Variants in TENT5D observed in about 807,000 individuals in gnomAD.
TENT5D encodes the protein cancer/testis antigen 112.
For missense variants in TENT5D, 191 were observed against 287.0 expected (o/e 0.67, Z 2.42); for synonymous variants, 103 against 100.6 (o/e 1.02, Z -0.15).
intron 3 of TENT5D, among the ~76,000 whole-genome samples, chrX:80,408,279 C>CA (rs1305345211): frequency 2.0e-5 from 2 of 100,463 alleles, no homozygotes; most frequent in African/African-American, 3.6e-5. Flanking sequence ...AATAGAGACA[C>CA]AAAAAACCCT....
chrX:80,437,049 A>G (rs1932196862), intron 1 of TENT5D, among the ~76,000 whole-genome samples: 1 of 112,430 alleles, frequency 8.9e-6, no homozygotes, highest in South Asian at 3.6e-4. Flanking sequence ...TGTCAAGATG[A>G]TTTGATTAAA....
intron 3 of TENT5D, among the ~76,000 whole-genome samples, chrX:80,352,827 A>G (rs1427242080): frequency 9.1e-6 from 1 of 109,781 alleles, no homozygotes; most frequent in African/African-American, 3.3e-5. Context: ...GTAGAGGCAC[A>G]CGAAGGAATT....
At chrX:80,380,060 A>G (rs1338682891) in intron 3 of TENT5D, among the ~76,000 whole-genome samples, 8 of 106,945 alleles carry the variant, frequency 7.5e-5, no homozygotes, top group African/African-American at 2.0e-4. Flanking sequence ...TAGGGTGTCA[A>G]TTTTAGATCT....
rs202186124 is a variant in TENT5D, at chrX:80,376,162, T to A, written c.-142+33598T>A. Among the ~76,000 whole-genome samples the A allele has an allele frequency of 3.4e-4, 38 of 111,071 alleles. No homozygotes were observed. The East Asian group carries it at 8.5e-3, about 25-fold the overall frequency. ...TAATTAACGTTTATGGCCCAATTGT[T>A]TATTCCATTTGATTTTAATTTTCCT... is the stretch of plus-strand genomic sequence containing the variant. On this transcript the variant is annotated intron_variant, in intron 3 of 4. Transcript: ENST00000538312.
At chrX:80,420,546 C>G (rs1931863177) in exon 1 of TENT5D, 1 of 111,381 alleles carries the variant, frequency 9.0e-6, no homozygotes, top group African/African-American at 3.3e-5. Flanking sequence ...TCAGCAAAGT[C>G]TACTATCAGA....
chrX:80,349,819 T>C (rs1401146035), intron 3 of TENT5D, among the ~76,000 whole-genome samples: 1 of 111,379 alleles, frequency 9.0e-6, no homozygotes, highest in Non-Finnish European at 1.9e-5. Context: ...AACACTGCTT[T>C]ACCTGTGTCC....
At chrX:80,388,050 G>A (rs1345234217) in intron 3 of TENT5D, among the ~76,000 whole-genome samples, 4 of 110,977 alleles carry the variant, frequency 3.6e-5, no homozygotes, top group Non-Finnish European at 5.7e-5. Flanking sequence ...GGATAACACT[G>A]ATGTTCATTC....
chrX:80,385,808 A>G (rs1010452140), intron 3 of TENT5D, among the ~76,000 whole-genome samples: 1 of 112,641 alleles, frequency 8.9e-6, no homozygotes, highest in Non-Finnish European at 1.9e-5. Flanking sequence ...TGCAAACAAA[A>G]GACACATGAA....
At chrX:80,368,923 T>C (rs1412732847) in intron 3 of TENT5D, among the ~76,000 whole-genome samples, 2 of 111,829 alleles carry the variant, frequency 1.8e-5, no homozygotes, top group Non-Finnish European at 3.8e-5. Context: ...TTTTTTTCTT[T>C]AAAACACCAG....
At chrX:80,433,626 T>A (rs12557673) in intron 1 of TENT5D, among the ~76,000 whole-genome samples, 1 of 110,267 alleles carries the variant, frequency 9.1e-6, no homozygotes, top group Non-Finnish European at 1.9e-5. Context: ...TTTTTGGGAC[T>A]TGTATGCTAT....
At chrX:80,359,984 T>A (rs1930371313) in intron 3 of TENT5D, among the ~76,000 whole-genome samples, 1 of 111,850 alleles carries the variant, frequency 8.9e-6, no homozygotes, top group Non-Finnish European at 1.9e-5. Context: ...ATAATCTTAA[T>A]CAACTTTCCC....
intron 2 of TENT5D, among the ~76,000 whole-genome samples, chrX:80,441,961 C>CT (rs766606995): frequency 9.0e-6 from 1 of 111,058 alleles, no homozygotes; most frequent in African/African-American, 3.2e-5. Flanking sequence ...AGCTCATACT[C>CT]TAACAGAAGA....
intron 1 of TENT5D, among the ~76,000 whole-genome samples, chrX:80,421,261 C>A (rs1931878236): frequency 8.9e-6 from 1 of 111,818 alleles, no homozygotes; most frequent in African/African-American, 3.3e-5. Context: ...TCTCGGCTCA[C>A]TGCAATCTCT....
chrX:80,428,655 A>T (rs1186274709), intron 1 of TENT5D, among the ~76,000 whole-genome samples: 5 of 111,897 alleles, frequency 4.5e-5, no homozygotes, highest in Non-Finnish European at 7.5e-5. Flanking sequence ...TTCTTTTATG[A>T]GGTGGTATAA....
intron 2 of TENT5D, among the ~76,000 whole-genome samples, chrX:80,339,443 G>C (rs1266918220): frequency 1.8e-5 from 2 of 111,334 alleles, no homozygotes; most frequent in Non-Finnish European, 3.8e-5. Context: ...CACTTTGCTG[G>C]TTTCATAGTT....
intron 3 of TENT5D, among the ~76,000 whole-genome samples, chrX:80,383,594 C>T (rs940578049): frequency 6.2e-5 from 7 of 112,431 alleles, no homozygotes; most frequent in South Asian, 3.6e-4. Flanking sequence ...CATTGGCTCA[C>T]GCCTGTAATC....
At chrX:80,445,111 A>G (rs1932358843) in exon 3 of TENT5D, 1 of 122,537 alleles carries the variant, frequency 8.2e-6, no homozygotes, top group Non-Finnish European at 1.9e-5. Context: ...ACTGTATTAC[A>G]ATATTGGACA....
intron 1 of TENT5D, among the ~76,000 whole-genome samples, chrX:80,428,750 A>G (rs1362767114): frequency 8.9e-6 from 1 of 112,321 alleles, no homozygotes; most frequent in Non-Finnish European, 1.9e-5. Flanking sequence ...GTTAAAGTAA[A>G]TGGGCTTAAT....
chrX:80,413,418 G>T (rs948936639), intron 3 of TENT5D, among the ~76,000 whole-genome samples: 8 of 111,468 alleles, frequency 7.2e-5, no homozygotes, highest in Non-Finnish European at 1.3e-4. Context: ...CATGAGATTT[G>T]GAGAGACCAG....
Sources: allele counts gnomAD v4.1 joint callset (sites outside exome capture counted in the v4.1 genomes callset), GRCh38; gene constraint gnomAD v4.1.1; transcripts MANE v1.5; gene names NCBI Gene and HGNC (gene_info 2026-07-23, HGNC 2026-07-21).